Variants in MCF2 observed in about 807,000 individuals in gnomAD.
MCF2 encodes proto-oncogene DBL.
Under a neutral mutation model 82.5 loss-of-function variants are expected in MCF2, and 44 were observed. The ratio of observed to expected loss-of-function variants is 0.53; its 90% confidence interval spans 0.42 to 0.69. The LOEUF (loss-of-function observed/expected upper bound fraction) is 0.69, where lower values mean the gene tolerates loss of function less well. Ranked by LOEUF, MCF2 falls within the 30% of genes least tolerant of loss-of-function variation. MCF2 has a pLI of 0.00. For synonymous variants in MCF2, 217 were observed against 224.9 expected (o/e 0.96, Z 0.32); for missense variants, 623 against 663.1 (o/e 0.94, Z 0.66).
chrX:139,602,538 G>T, intron 15 of MCF2, 40 bp from the exon 20 acceptor site: 2 of 932,213 alleles, frequency 2.1e-6, no homozygotes, highest in South Asian at 2.1e-5. Flanking sequence ...ACTAATTTGT[G>T]AATATGACTT....
chrX:139,671,244 T>C (rs959778867), intron 1 of MCF2, among the ~76,000 whole-genome samples: 1 of 112,005 alleles, frequency 8.9e-6, no homozygotes, highest in Non-Finnish European at 1.9e-5. Context: ...TTGCAAAAAT[T>C]TTCTCCCATT....
chrX:139,629,342 C>G (rs758039902), intron 4 of MCF2, among the ~76,000 whole-genome samples: 20 of 111,905 alleles, frequency 1.8e-4, no homozygotes, highest in African/African-American at 6.5e-4. Flanking sequence ...AAATATGGTA[C>G]AATCATATGG....
intron 1 of MCF2, among the ~76,000 whole-genome samples, chrX:139,698,001 G>T (rs2805893): frequency 4.6e-5 from 5 of 109,061 alleles, no homozygotes; most frequent in Non-Finnish European, 9.5e-5. Context: ...TTAGCCGGGT[G>T]TAGTGGTGCA....
At chrX:139,692,207 GC>G in intron 1 of MCF2, 1 of 796,127 alleles carries the variant, frequency 1.3e-6, no homozygotes, top group Non-Finnish European at 1.8e-6. Flanking sequence ...GCCGGGCAGG[GC>G]CGCTACTCCA....
At chrX:139,623,712 T>G (rs1312117675) in intron 6 of MCF2, among the ~76,000 whole-genome samples, 1 of 111,383 alleles carries the variant, frequency 9.0e-6, no homozygotes, top group East Asian at 2.8e-4. Flanking sequence ...CAAACGTGCA[T>G]GTGTATGCCC....
intron 20 of MCF2, among the ~76,000 whole-genome samples, chrX:139,588,992 CTG>C (rs751661010): frequency 9.0e-6 from 1 of 110,916 alleles, no homozygotes; most frequent in African/African-American, 3.3e-5. Context: ...TTGGATGAAA[CTG>C]TGAAATATAA....
At position 139,607,679 on chromosome X, in the gene MCF2, A is replaced by G. The variant is rs930721922; in HGVS notation, c.1490+12T>C. 1.8e-6 allele frequency: 2 copies of G among 1,140,956 alleles called. No homozygotes were observed. The highest frequency in any genetic ancestry group is 2.4e-6 in the Non-Finnish European group (2 of 836,019). The allele number at this position is 1,140,956 out of a possible 1,213,427, so 94.0% of individuals were successfully genotyped here. A position where few individuals can be genotyped will look rare whatever the true frequency, so the allele number is the denominator to read the frequency against. On this transcript the variant is annotated intron_variant, in intron 12 of 24. Transcript: ENST00000370576. ...ATGTGTATGTGAGTTTATATTAATA[A>G]ATAAAGGATACTTCTTTAAAACATC... is the stretch of plus-strand genomic sequence containing the variant.
At chrX:139,615,293 C>A (rs1172443927) in intron 9 of MCF2, among the ~76,000 whole-genome samples, 1 of 111,885 alleles carries the variant, frequency 8.9e-6, no homozygotes, top group African/African-American at 3.2e-5. Flanking sequence ...AAATTGGTCA[C>A]TGCATAGAGT....
At chrX:139,667,984 C>T (rs1227434166) in intron 1 of MCF2, among the ~76,000 whole-genome samples, 1 of 111,873 alleles carries the variant, frequency 8.9e-6, no homozygotes, top group Non-Finnish European at 1.9e-5. Context: ...AGTGGTAGCC[C>T]ATTTTTAGCT....
chrX:139,625,123 T>C (rs17002177), intron 6 of MCF2, among the ~76,000 whole-genome samples: 17 of 111,420 alleles, frequency 1.5e-4, no homozygotes, highest in Non-Finnish European at 2.6e-4. Flanking sequence ...CATGTCACTA[T>C]GAGACACACC....
chrX:139,687,234 C>T (rs1935148086), intron 1 of MCF2, among the ~76,000 whole-genome samples: 1 of 112,370 alleles, frequency 8.9e-6, no homozygotes, highest in Admixed American at 9.4e-5. Flanking sequence ...CTACCTCCTT[C>T]AGGATTTTGC....
intron 1 of MCF2, among the ~76,000 whole-genome samples, chrX:139,694,365 T>A (rs2063426950): frequency 1.1e-5 from 1 of 92,471 alleles, no homozygotes; most frequent in South Asian, 4.8e-4. Flanking sequence ...ACCAAAAAAA[T>A]AATATCCTTC....
In MCF2 at chrX:139,706,387, A is replaced by G. The variant is rs764343878; in HGVS notation, c.-45+1719T>C. 5.3e-5 allele frequency among the ~76,000 whole-genome samples: 6 copies of G among 112,589 alleles called. No individual in the cohort carries two copies. The South Asian group carries it at 2.2e-3, about 42-fold the overall frequency. On this transcript the variant is annotated intron_variant, in intron 1 of 27. Transcript: ENST00000414978. The stretch of plus-strand genomic sequence containing the variant: ...ATTATGGAATACTAGGCAGCCATAA[A>G]AAAGAAAGAAATCATTCTTTGCAGC...
chrX:139,632,360 T>C lies in MCF2; in HGVS notation c.146A>G (p.Gln49Arg), dbSNP rs757834068. Residue 49 changes from glutamine (Q) to arginine (R), a missense_variant, in exon 2 of 25, where the codon CAG becomes CGG. Coordinates refer to ENST00000370576, the Ensembl canonical transcript of MCF2. ...TGGTAATTTAAGCATAAAATCCTCC[T>C]GACTAAACCAAAATCCAATGTCTGT... 133 of 1,197,020 alleles carry C rather than the reference T, an allele frequency of 1.1e-4. No homozygotes were observed. The South Asian group carries it at 2.3e-3, about 21-fold the overall frequency.
chrX:139,590,307 T>C (rs926949886), intron 19 of MCF2, among the ~76,000 whole-genome samples: 1 of 111,117 alleles, frequency 9.0e-6, no homozygotes. Context: ...TTAATTTAAA[T>C]AGTTATTTAG....
At chrX:139,704,131 C>G (rs1324607485) in intron 1 of MCF2, among the ~76,000 whole-genome samples, 4 of 111,608 alleles carry the variant, frequency 3.6e-5, no homozygotes, top group Non-Finnish European at 7.5e-5. Flanking sequence ...GACAAACCCA[C>G]AGTAAACATC....
At chrX:139,671,890 T>C (rs1934708440) in intron 1 of MCF2, among the ~76,000 whole-genome samples, 2 of 111,841 alleles carry the variant, frequency 1.8e-5, no homozygotes, top group African/African-American at 6.5e-5. Flanking sequence ...ATTGAATGTA[T>C]AAATTACCTT....
At chrX:139,611,530 T>C (rs1232345993) in intron 10 of MCF2, among the ~76,000 whole-genome samples, 2 of 112,063 alleles carry the variant, frequency 1.8e-5, no homozygotes, top group Admixed American at 9.5e-5. Context: ...AAAATAAATA[T>C]GTGCACAACT....
chrX:139,687,300 C>A (rs1935149404), intron 1 of MCF2, among the ~76,000 whole-genome samples: 1 of 112,839 alleles, frequency 8.9e-6, no homozygotes, highest in South Asian at 3.7e-4. Context: ...ATTCTTACAT[C>A]TGCCATAAAC....
Sources: gnomAD v4.1 joint callset for allele counts (sites outside exome capture counted in the v4.1 genomes callset) on GRCh38, gnomAD v4.1.1 for gene constraint, MANE v1.5 for transcripts, NCBI Gene and HGNC (gene_info 2026-07-23, HGNC 2026-07-21) for gene names.